Variants in PAM observed in about 807,000 individuals in gnomAD.
PAM encodes peptidyl-glycine alpha-amidating monooxygenase.
Under a neutral mutation model 122.1 loss-of-function variants are expected in PAM, and 72 were observed. The observed-to-expected ratio is 0.59, with a 90% CI of 0.49 to 0.72. The LOEUF (loss-of-function observed/expected upper bound fraction) is 0.72, where lower values mean the gene tolerates loss of function less well. PAM is among the 30% of genes least tolerant of loss of function. The pLI is 0.00. For synonymous variants in PAM, 389 were observed against 404.4 expected (o/e 0.96, Z 0.46); for missense variants, 1,106 against 1,183.7 (o/e 0.93, Z 0.96).
At chr5:102,941,509 G>A (rs891530878) in intron 7 of PAM, among the ~76,000 whole-genome samples, 2 of 152,256 alleles carry the variant, frequency 1.3e-5, no homozygotes, top group East Asian at 1.9e-4. Flanking sequence ...CTTGTGTCAT[G>A]TATTAACAGT....
chr5:102,862,223 CTT>C (rs1156490190), intron 1 of PAM, among the ~76,000 whole-genome samples: 4 of 135,726 alleles, frequency 2.9e-5, no homozygotes, highest in African/African-American at 8.0e-5. Flanking sequence ...CACATATTGT[CTT>C]TTTTTTTTTT....
intron 1 of PAM, among the ~76,000 whole-genome samples, chr5:102,861,339 G>C (rs115644143): frequency 5.0e-4 from 76 of 152,312 alleles, no homozygotes; most frequent in African/African-American, 1.8e-3. Context: ...AATTAACACA[G>C]ATATAGTGAG....
At chr5:103,028,267 A>C (rs754462128) in intron 25 of PAM, 29 bp downstream of exon 25, 6 of 1,499,128 alleles carry the variant, frequency 4.0e-6, no homozygotes, top group Non-Finnish European at 5.6e-6. Context: ...AGAACCCTTC[A>C]TGTTTGGTTC....
intron 3 of PAM, among the ~76,000 whole-genome samples, chr5:102,899,267 A>G (rs1797010420): frequency 6.6e-6 from 1 of 151,674 alleles, no homozygotes; most frequent in African/African-American, 2.4e-5. Flanking sequence ...TAATAATTAT[A>G]GTATGGATCT....
At chr5:102,999,242 G>A in intron 16 of PAM, among the ~76,000 whole-genome samples, 1 of 152,326 alleles carries the variant, frequency 6.6e-6, no homozygotes, top group South Asian at 2.1e-4. Context: ...CAGCGGGGCA[G>A]TCAAATCTTA....
intron 4 of PAM, among the ~76,000 whole-genome samples, chr5:102,908,050 G>A (rs1349466631): frequency 1.3e-5 from 2 of 152,076 alleles, no homozygotes; most frequent in East Asian, 1.9e-4. Flanking sequence ...CCTTGCCCAT[G>A]CCTATGTCCT....
intron 3 of PAM, among the ~76,000 whole-genome samples, chr5:102,890,203 A>G (rs562249425): frequency 4.6e-5 from 7 of 151,880 alleles, no homozygotes; most frequent in African/African-American, 1.7e-4. Context: ...TTTAGATTAG[A>G]GTTTTTGGCA....
intron 24 of PAM, among the ~76,000 whole-genome samples, chr5:103,026,275 T>C (rs570492033): frequency 6.6e-6 from 1 of 152,246 alleles, no homozygotes; most frequent in Non-Finnish European, 1.5e-5. Flanking sequence ...AAGAAATCCA[T>C]GGATCAGGGA....
chr5:102,917,692 A>G (rs1165734824), intron 5 of PAM, among the ~76,000 whole-genome samples: 1 of 152,166 alleles, frequency 6.6e-6, no homozygotes, highest in African/African-American at 2.4e-5. Context: ...GTTTCCCCTG[A>G]AATTATGAAG....
At position 102,832,621 on chromosome 5, in the gene PAM, G is replaced by A. The variant is rs182962968; in HGVS notation, c.-373-33202G>A. Reference sequence around the variant, plus strand: ...GGCACCTCTCCATAAGTATCTTATTGTGCTGTACTATGAGTAATTGAAACT... The same window carrying A: ...GGCACCTCTCCATAAGTATCTTATTATGCTGTACTATGAGTAATTGAAACT... On this transcript the variant is annotated intron_variant, in intron 1 of 25. Transcript: ENST00000438793. 1.3e-3 allele frequency among the ~76,000 whole-genome samples: 194 copies of A among 152,222 alleles called. 1 individual carries two copies. The highest frequency in any genetic ancestry group is 4.5e-3 in the African/African-American group (186 of 41,534).
intron 1 of PAM, among the ~76,000 whole-genome samples, chr5:102,768,445 C>T (rs1754769103): frequency 6.6e-6 from 1 of 151,946 alleles, no homozygotes. Context: ...TCTTACTTAT[C>T]CTTTCCATTT....
intron 3 of PAM, among the ~76,000 whole-genome samples, chr5:102,880,793 AGAAAT>A (rs1042836286): frequency 1.3e-4 from 19 of 148,570 alleles, no homozygotes; most frequent in African/African-American, 4.8e-4. Context: ...ATCAATAAAA[AGAAAT>A]GAAGTGATAC....
chr5:102,854,310 A>G (rs982319870), intron 1 of PAM, among the ~76,000 whole-genome samples: 4 of 152,218 alleles, frequency 2.6e-5, no homozygotes, highest in African/African-American at 9.7e-5. Flanking sequence ...CTCATTTTAA[A>G]AAGGGATTTT....
At chr5:102,977,404 C>T (rs865866393) in intron 15 of PAM, among the ~76,000 whole-genome samples, 7 of 152,072 alleles carry the variant, frequency 4.6e-5, no homozygotes, top group Non-Finnish European at 8.8e-5. Context: ...CAGAACAAGA[C>T]GGTTAAATAC....
chr5:102,935,960 A>G (rs1359747411), intron 7 of PAM, among the ~76,000 whole-genome samples: 1 of 152,182 alleles, frequency 6.6e-6, no homozygotes, highest in South Asian at 2.1e-4. Flanking sequence ...ATAGGCTCAC[A>G]AGAGCCAATT....
intron 21 of PAM, among the ~76,000 whole-genome samples, chr5:103,014,353 T>C (rs1781431375): frequency 6.6e-6 from 1 of 152,202 alleles, no homozygotes. Context: ...TCACAATATG[T>C]GGGTCAATTC....
At position 102,780,066 on chromosome 5, in the gene PAM, A is replaced by C. The variant is rs544776968; in HGVS notation, c.-374+24718A>C. Among the ~76,000 whole-genome samples, 19 of 151,882 alleles carry C rather than the reference A, an allele frequency of 1.3e-4. No individual in the cohort carries two copies. The East Asian group carries it at 3.5e-3, about 28-fold the overall frequency. On this transcript the variant is annotated intron_variant, in intron 1 of 25. Transcript: ENST00000438793. ...AGTTTTTAATTGTACACCATTCTGA[A>C]TAGCATGATGAAAACGTGTGCCCCC...
At chr5:102,942,984 G>T (rs1041941169) in intron 7 of PAM, among the ~76,000 whole-genome samples, 1 of 152,070 alleles carries the variant, frequency 6.6e-6, no homozygotes. Context: ...CCAAAAGGGT[G>T]GCTTGGAATA....
intron 1 of PAM, among the ~76,000 whole-genome samples, chr5:102,755,843 G>A (rs534058808): frequency 1.3e-5 from 2 of 152,108 alleles, no homozygotes; most frequent in Admixed American, 6.5e-5. Flanking sequence ...GGTGTGGAGT[G>A]GGGGCGAGTG....
Sources: allele counts gnomAD v4.1 joint callset (sites outside exome capture counted in the v4.1 genomes callset), GRCh38; gene constraint gnomAD v4.1.1; transcripts MANE v1.5; gene names NCBI Gene and HGNC (gene_info 2026-07-23, HGNC 2026-07-21).